CLEC20A: variants seen among roughly 807,000 people sequenced by gnomAD.
The protein encoded by CLEC20A is putative C-type lectin domain family 20 member A.
intron 3 of CLEC20A, among the ~76,000 whole-genome samples, chr1:178,491,905 G>A (rs1447863697): frequency 1.3e-5 from 2 of 152,156 alleles, no homozygotes; most frequent in Non-Finnish European, 2.9e-5. Context: ...GAGCTGGGCT[G>A]CAGCCAAGGG....
At chr1:178,487,064 G>A in intron 5 of CLEC20A, 1 of 385,972 alleles carries the variant, frequency 2.6e-6, no homozygotes, top group Non-Finnish European at 4.6e-6. Flanking sequence ...CCTAGGGCCA[G>A]AGAGAAGACT....
chr1:178,481,857 ATG>A (rs1211576156), intron 7 of CLEC20A: 1 of 152,504 alleles, frequency 6.6e-6, no homozygotes, highest in East Asian at 1.9e-4. Context: ...AGCACCAACT[ATG>A]TGTCAGATTA....
chr1:178,496,690 G>T, intron 1 of CLEC20A: 1 of 397,158 alleles, frequency 2.5e-6, no homozygotes, highest in Non-Finnish European at 4.4e-6. Flanking sequence ...CTGCCTTCTG[G>T]ACGCTGGCTG....
intron 1 of CLEC20A, among the ~76,000 whole-genome samples, chr1:178,495,705 G>A (rs1649373850): frequency 6.6e-6 from 1 of 152,100 alleles, no homozygotes; most frequent in African/African-American, 2.4e-5. Flanking sequence ...GGAAGGGAGG[G>A]AGGGAGGAAG....
chr1:178,488,972 G>A (rs1048651292), intron 4 of CLEC20A, among the ~76,000 whole-genome samples: 2 of 152,094 alleles, frequency 1.3e-5, no homozygotes, highest in Non-Finnish European at 2.9e-5. Flanking sequence ...CTTTGAGGTG[G>A]GGGGGGCGGT....
chr1:178,485,913 GAGA>G (rs567937286), intron 5 of CLEC20A, among the ~76,000 whole-genome samples: 18 of 152,284 alleles, frequency 1.2e-4, no homozygotes, highest in African/African-American at 4.1e-4. Flanking sequence ...AGAGAGGTGG[GAGA>G]AGGAGTGAGT....
At chr1:178,490,183 C>T (rs1211316818) in exon 4 of CLEC20A, 1 of 398,690 alleles carries the variant, frequency 2.5e-6, no homozygotes, top group Admixed American at 4.4e-5. Context: ...ATCATCGGCA[C>T]CTGCAGCCAG....
intron 5 of CLEC20A, among the ~76,000 whole-genome samples, chr1:178,487,616 G>A (rs1219432148): frequency 6.6e-6 from 1 of 152,172 alleles, no homozygotes; most frequent in African/African-American, 2.4e-5. Flanking sequence ...TCCCCACCAC[G>A]CCTGTGCCTA....
At chr1:178,497,870 G>A (rs1173733621), upstream of CLEC20A, among the ~76,000 whole-genome samples, 2 of 152,130 alleles carry the variant, frequency 1.3e-5, no homozygotes, top group African/African-American at 4.8e-5. Context: ...GGGAGAAAGA[G>A]AGTAGGGTAG....
chr1:178,492,634 G>C (rs556247759), intron 2 of CLEC20A, 68 bp from the exon 3 acceptor site: 72 of 398,418 alleles, frequency 1.8e-4, no homozygotes, highest in Non-Finnish European at 2.1e-4. Context: ...GAGCTGTCCG[G>C]TTATAGCCGG....
chr1:178,492,370 G>A (rs924410574), intron 3 of CLEC20A, 131 bp downstream of exon 3: 24 of 397,612 alleles, frequency 6.0e-5, no homozygotes, highest in East Asian at 2.9e-4. Context: ...AATCCCTCCC[G>A]GACAGCCAGG....
chr1:178,482,181 A>G (rs374421312), intron 7 of CLEC20A, 131 bp downstream of exon 7: 27 of 396,614 alleles, frequency 6.8e-5, no homozygotes, highest in East Asian at 2.5e-4. Flanking sequence ...ACCATGAGCC[A>G]AAGTGATGGC....
At chr1:178,478,921 C>T (rs940674496), downstream of CLEC20A, 4 of 152,232 alleles carry the variant, frequency 2.6e-5, no homozygotes, top group South Asian at 6.2e-4. Context: ...GACTAGGACA[C>T]TTGAAGAGAA....
chr1:178,494,382 G>A (rs1050200180), intron 2 of CLEC20A, 72 bp downstream of exon 2: 1 of 398,894 alleles, frequency 2.5e-6, no homozygotes. Context: ...TCACACCACT[G>A]CACTCCAGCC....
At chr1:178,485,711 C>T (rs551840010) in intron 5 of CLEC20A, among the ~76,000 whole-genome samples, 10 of 152,318 alleles carry the variant, frequency 6.6e-5, no homozygotes, top group Admixed American at 6.5e-4. Context: ...TCAATGCCTT[C>T]TTCAAAACAA....
intron 7 of CLEC20A, chr1:178,480,781 T>TA (rs1352962448): frequency 2.0e-5 from 3 of 150,462 alleles, no homozygotes; most frequent in African/African-American, 7.4e-5. Flanking sequence ...GACTCCGTCT[T>TA]AAAAAAATAA....
intron 5 of CLEC20A, chr1:178,486,912 G>A: frequency 2.5e-6 from 1 of 398,006 alleles, no homozygotes; most frequent in Non-Finnish European, 4.4e-6. Context: ...CTTGGGGCTG[G>A]AGGGCCGCTG....
chr1:178,486,725 GGGGGACAGAGAGGCTCCCCCGAGA>G (rs1649155926), intron 5 of CLEC20A: 1 of 397,780 alleles, frequency 2.5e-6, no homozygotes, highest in Admixed American at 4.4e-5. Flanking sequence ...GTTACTTCCT[GGGGGACAGAGAGGCTCCCCCGAGA>G]GGCCGCAGCA....
At chr1:178,493,278 C>T (rs561367263) in intron 2 of CLEC20A, among the ~76,000 whole-genome samples, 77 of 152,298 alleles carry the variant, frequency 5.1e-4, no homozygotes, top group African/African-American at 1.7e-3. Flanking sequence ...CTCCTTACTC[C>T]CTTGGGAACC....
Sources: gnomAD v4.1 joint callset for allele counts (sites outside exome capture counted in the v4.1 genomes callset) on GRCh38, gnomAD v4.1.1 for gene constraint, MANE v1.5 for transcripts, NCBI Gene and HGNC (gene_info 2026-07-23, HGNC 2026-07-21) for gene names.